The following SPAST variants were observed in gnomAD, a reference collection of about 807,000 sequenced individuals.
The protein encoded by SPAST is spastin.
SPAST carries 30 observed loss-of-function variants against 76.6 expected under a neutral mutation model. That is an observed-to-expected ratio of 0.39 (90% confidence interval 0.29 to 0.53). SPAST has a LOEUF of 0.53. SPAST is among the 20% of genes least tolerant of loss of function. The pLI is 0.68. For missense variants in SPAST, 717 were observed against 770.5 expected (o/e 0.93, Z 0.82); for synonymous variants, 305 against 281.0 (o/e 1.09, Z -0.86).
chr2:32,099,240 G>C (rs894840824), intron 4 of SPAST, among the ~76,000 whole-genome samples: 4 of 151,778 alleles, frequency 2.6e-5, no homozygotes, highest in Non-Finnish European at 5.9e-5. Flanking sequence ...ATGAAATAGT[G>C]TTTTCTAAGA....
intron 12 of SPAST, among the ~76,000 whole-genome samples, chr2:32,138,748 A>G (rs1475625426): frequency 6.6e-6 from 1 of 152,180 alleles, no homozygotes; most frequent in East Asian, 1.9e-4. Context: ...GCTGATGTCA[A>G]GAAGTGTATT....
At chr2:32,066,081 C>G (rs1056393802) in intron 1 of SPAST, 2 of 150,748 alleles carry the variant, frequency 1.3e-5, no homozygotes, top group African/African-American at 4.9e-5. Context: ...GCAGGCGATT[C>G]TCTTGCCTCA....
intron 1 of SPAST, among the ~76,000 whole-genome samples, chr2:32,067,552 A>C (rs1340906470): frequency 6.6e-6 from 1 of 152,128 alleles, no homozygotes; most frequent in East Asian, 1.9e-4. Context: ...GGTGACTTAA[A>C]TCTTTCAGTA....
At chr2:32,132,689 A>T (rs750930033) in intron 9 of SPAST, among the ~76,000 whole-genome samples, 5 of 152,016 alleles carry the variant, frequency 3.3e-5, no homozygotes, top group Non-Finnish European at 7.4e-5. Context: ...TTTACCTCAG[A>T]TGTGACCTGA....
chr2:32,155,572 G>C lies in SPAST; in HGVS notation c.*1076G>C, dbSNP rs1412173618. 1 of 152,080 alleles carries C rather than the reference G, an allele frequency of 6.6e-6. No individual in the cohort carries two copies. Among genetic ancestry groups the C allele is most frequent in the Non-Finnish European group, 1.5e-5 (1 of 67,940 alleles). 9.4% of individuals were successfully genotyped at this position (152,080 alleles called of 1,614,324 possible). Reference sequence around the variant, plus strand: ...TTTATACATGGCATACATTTTTCTAGTTCCTTCTGCTTGCTTTATTAACTC... The same window carrying C: ...TTTATACATGGCATACATTTTTCTACTTCCTTCTGCTTGCTTTATTAACTC... On this transcript the variant is annotated 3_prime_UTR_variant, in exon 17 of 17. Transcript: ENST00000315285.
intron 1 of SPAST, among the ~76,000 whole-genome samples, chr2:32,083,285 A>G (rs1028211491): frequency 6.6e-6 from 1 of 152,078 alleles, no homozygotes; most frequent in Non-Finnish European, 1.5e-5. Flanking sequence ...GAATAAAGGT[A>G]CTGTAAATTC....
chr2:32,103,938 A>G (rs552238246), intron 4 of SPAST, among the ~76,000 whole-genome samples: 5 of 152,266 alleles, frequency 3.3e-5, no homozygotes, highest in African/African-American at 1.2e-4. Context: ...AAGAATGTAT[A>G]TTCTGTTGAT....
chr2:32,104,235 T>A (rs1678232429), intron 4 of SPAST, among the ~76,000 whole-genome samples: 1 of 152,356 alleles, frequency 6.6e-6, no homozygotes. Context: ...TTGATCTTTG[T>A]TGGTTTAAAG....
In SPAST at chr2:32,156,789, A is replaced by G. The variant is rs925885913; in HGVS notation, c.*2293A>G. The G allele has an allele frequency of 6.6e-6, 1 of 152,204 alleles. No homozygotes were observed. Among genetic ancestry groups the G allele is most frequent in the African/African-American group, 2.4e-5 (1 of 41,458 alleles). The allele number at this position is 152,204 out of a possible 1,614,324, so 9.4% of individuals were successfully genotyped here. A position where few individuals can be genotyped will look rare whatever the true frequency, so the allele number is the denominator to read the frequency against. The stretch of plus-strand genomic sequence containing the variant: ...TAATTCTATTGGGAAAGACTTTTAG[A>G]TAACAAAGATTTCAAATGTTAAAAG... On this transcript the variant is annotated 3_prime_UTR_variant, in exon 17 of 17. Coordinates refer to ENST00000315285, the MANE Select transcript of SPAST (RefSeq NM_014946.4).
At chr2:32,118,604 A>T (rs4952249) in intron 7 of SPAST, among the ~76,000 whole-genome samples, 60,261 of 151,648 alleles carry the variant, frequency 0.4, 12,204 homozygotes, top group East Asian at 0.64. Context: ...ATAATTGTAG[A>T]CCTGAAAAGG....
At chr2:32,098,116 A>G (rs1343376966) in intron 3 of SPAST, among the ~76,000 whole-genome samples, 4 of 152,100 alleles carry the variant, frequency 2.6e-5, no homozygotes, top group East Asian at 3.9e-4. Flanking sequence ...CAGTTTTATT[A>G]TAAGTTGCTA....
At position 32,087,861 on chromosome 2, in the gene SPAST, AATTATT is replaced by A. The variant is rs34216464; in HGVS notation, c.502+309_502+314del. ...CAGGCGCACACTACCATACTTAGCT[AATTATT>A]ATTATTATTATTATTATTATTATTA... On this transcript the variant is annotated intron_variant, in intron 2 of 16. Transcript: ENST00000315285. 3.2e-3 allele frequency among the ~76,000 whole-genome samples: 458 copies of A among 141,322 alleles called. 4 individuals are homozygous for A. Among genetic ancestry groups the A allele is most frequent in the African/African-American group, 0.011 (417 of 38,172 alleles). 92.7% of individuals were successfully genotyped at this position (141,322 alleles called of 152,430 possible).
chr2:32,129,500 G>A (rs560398461), intron 9 of SPAST: 1 of 152,214 alleles, frequency 6.6e-6, no homozygotes, highest in Non-Finnish European at 1.5e-5. Flanking sequence ...TAGTTTTGGG[G>A]TAGGGCAAGC....
chr2:32,082,900 T>C (rs1677296999), intron 1 of SPAST, among the ~76,000 whole-genome samples: 1 of 152,228 alleles, frequency 6.6e-6, no homozygotes, highest in Admixed American at 6.5e-5. Flanking sequence ...ATACCACAAT[T>C]TGTTACTCCA....
intron 1 of SPAST, among the ~76,000 whole-genome samples, chr2:32,078,838 C>G (rs1573052687): frequency 6.6e-6 from 1 of 152,076 alleles, no homozygotes; most frequent in African/African-American, 2.4e-5. Flanking sequence ...GAATTTTTTT[C>G]ATTTCAATAT....
At chr2:32,071,480 A>G (rs1676748899) in intron 1 of SPAST, among the ~76,000 whole-genome samples, 2 of 152,168 alleles carry the variant, frequency 1.3e-5, no homozygotes, top group Non-Finnish European at 2.9e-5. Flanking sequence ...ATTTGAAGAG[A>G]TTTATTCTGA....
At chr2:32,115,877 A>T (rs780777689) in intron 6 of SPAST, 42 bp downstream of exon 6, 2 of 1,464,094 alleles carry the variant, frequency 1.4e-6, no homozygotes, top group Non-Finnish European at 1.9e-6. Context: ...TAGTTTTTAT[A>T]TTTTAATTTT....
At chr2:32,138,857 C>T (rs1679625817) in intron 12 of SPAST, among the ~76,000 whole-genome samples, 1 of 152,044 alleles carries the variant, frequency 6.6e-6, no homozygotes, top group African/African-American at 2.4e-5. Flanking sequence ...AGTAAGGGTC[C>T]AGTTTCATTT....
At chr2:32,090,972 C>G (rs1031474301) in intron 3 of SPAST, among the ~76,000 whole-genome samples, 2 of 152,104 alleles carry the variant, frequency 1.3e-5, no homozygotes, top group African/African-American at 4.8e-5. Flanking sequence ...TACTTTAATT[C>G]TGTCATTCTT....
Sources: gnomAD v4.1 joint callset for allele counts (sites outside exome capture counted in the v4.1 genomes callset) on GRCh38, gnomAD v4.1.1 for gene constraint, MANE v1.5 for transcripts, NCBI Gene and HGNC (gene_info 2026-07-23, HGNC 2026-07-21) for gene names.